The following IGF2R variants were observed in gnomAD, a reference collection of about 807,000 sequenced individuals.
IGF2R encodes insulin like growth factor 2 receptor, also known as cation-independent mannose-6-phosphate receptor.
Under a neutral mutation model 270.6 loss-of-function variants are expected in IGF2R, and 91 were observed. The ratio of observed to expected loss-of-function variants is 0.34; its 90% CI spans 0.28 to 0.40. The LOEUF (loss-of-function observed/expected upper bound fraction) is 0.40, where lower values mean the gene tolerates loss of function less well. IGF2R is among the 10% of genes least tolerant of loss of function. The pLI is 1.00. For synonymous variants in IGF2R, 1,316 were observed against 1,258.9 expected, an observed-to-expected ratio of 1.05 and a Z score of -0.96; for missense variants, 2,805 against 3,188.3, an observed-to-expected ratio of 0.88 and a Z score of 2.90.
intron 21 of IGF2R, among the ~76,000 whole-genome samples, chr6:160,058,452 T>C (rs1778360764): frequency 6.6e-6 from 1 of 152,226 alleles, no homozygotes; most frequent in South Asian, 2.1e-4. Context: ...GAGAGCATAA[T>C]TGACTTCATT....
chr6:160,085,193 G>T (rs1011347341), intron 41 of IGF2R, 62 bp downstream of exon 41: 19 of 1,557,614 alleles, frequency 1.2e-5, no homozygotes, highest in African/African-American at 2.7e-5. Flanking sequence ...GAAGGTGAGG[G>T]TGTTCTCAGG....
At chr6:159,997,354 C>T (rs1288416996) in intron 2 of IGF2R, among the ~76,000 whole-genome samples, 2 of 152,166 alleles carry the variant, frequency 1.3e-5, no homozygotes, top group African/African-American at 2.4e-5. Context: ...TCTGGTGATA[C>T]GGAGACATCA....
chr6:160,070,743 A>C (rs1778700870), intron 31 of IGF2R, among the ~76,000 whole-genome samples: 1 of 152,190 alleles, frequency 6.6e-6, no homozygotes, highest in Admixed American at 6.5e-5. Flanking sequence ...TAACTCGGGC[A>C]AGACCAGCTC....
intron 4 of IGF2R, among the ~76,000 whole-genome samples, chr6:160,016,858 C>T (rs543922808): frequency 6.6e-6 from 1 of 152,284 alleles, no homozygotes; most frequent in South Asian, 2.1e-4. Context: ...ATTCTCAGGG[C>T]GGGGGGAACC....
At chr6:160,012,973 C>T (rs1161054507) in intron 4 of IGF2R, among the ~76,000 whole-genome samples, 1 of 151,760 alleles carries the variant, frequency 6.6e-6, no homozygotes, top group Non-Finnish European at 1.5e-5. Context: ...ATCTGAGTTG[C>T]TTCCTGTGGG....
Position 160,045,752 on chromosome 6 carries a change from G to A in IGF2R, c.1773G>A (p.Leu591=). ...TCTTTTCCCCATTGACAGGTGATCT[G>A]GAAAGTGCACCAGTGTTGAGAACTT... ...NITLVCKPGD[L]ESAPVLRTSG... The change falls in exon 14 of 48, where the codon CTG becomes CTA. Residue 591 remains leucine (L), a synonymous_variant. Coordinates refer to ENST00000356956, the MANE Select transcript of IGF2R (RefSeq NM_000876.4). 1 of 1,614,148 alleles carries A rather than the reference G, an allele frequency of 6.2e-7. No homozygotes were observed. The highest frequency in any genetic ancestry group is 8.5e-7 in the Non-Finnish European group (1 of 1,180,006).
At chr6:159,986,422 GTGTGTGTGTTT>G (rs1309095954) in intron 1 of IGF2R, among the ~76,000 whole-genome samples, 1 of 110,992 alleles carries the variant, frequency 9.0e-6, no homozygotes, top group Non-Finnish European at 1.8e-5. Context: ...GTGTGTGTGT[GTGTGTGTGTTT>G]TTTTTTTTTT....
intron 37 of IGF2R, 129 bp downstream of exon 37, chr6:160,078,491 T>G: frequency 1.2e-6 from 1 of 840,128 alleles, no homozygotes; most frequent in African/African-American, 1.7e-5. Context: ...CTGGGCAGCA[T>G]CTTGGTGCTC....
intron 44 of IGF2R, 108 bp from the exon 45 acceptor site, chr6:160,096,331 C>T (rs1163376164): frequency 2.1e-6 from 2 of 969,464 alleles, no homozygotes; most frequent in Non-Finnish European, 3.1e-6. Flanking sequence ...GAAGTCTCTT[C>T]TGCCTGATTT....
intron 4 of IGF2R, among the ~76,000 whole-genome samples, chr6:160,012,351 C>G (rs903727211): frequency 1.3e-5 from 2 of 152,096 alleles, no homozygotes; most frequent in African/African-American, 4.8e-5. Flanking sequence ...TAAAGAAACA[C>G]CTGAGACTGG....
rs192455373 is a variant in IGF2R, at chr6:160,071,012, A to G, written c.4444-898A>G. Among the ~76,000 whole-genome samples the G allele has an allele frequency of 4.5e-3, 690 of 151,776 alleles. 3 individuals are homozygous for G. The highest frequency in any genetic ancestry group is 0.014 in the African/African-American group (597 of 41,370). Reference sequence around the variant, plus strand: ...CCCACATGTGGGGGGCAAAGGTGAGAGGGTGTGTGGGGCCCCTGTGCCCAG... The same window carrying G: ...CCCACATGTGGGGGGCAAAGGTGAGGGGGTGTGTGGGGCCCCTGTGCCCAG... On this transcript the variant is annotated intron_variant, in intron 31 of 47. Coordinates refer to ENST00000356956, the MANE Select transcript of IGF2R (RefSeq NM_000876.4).
chr6:160,068,930 A>G (rs1392363682), intron 30 of IGF2R, among the ~76,000 whole-genome samples: 1 of 152,176 alleles, frequency 6.6e-6, no homozygotes, highest in Non-Finnish European at 1.5e-5. Flanking sequence ...CCCAGGGTAA[A>G]TCAGTGCTGA....
At chr6:160,104,488 A>G (rs1265154802) in intron 47 of IGF2R, among the ~76,000 whole-genome samples, 186 bp from the exon 48 acceptor site, 1 of 151,958 alleles carries the variant, frequency 6.6e-6, no homozygotes, top group East Asian at 1.9e-4. Context: ...TCTCATTAGG[A>G]ACAGGAAGGT....
Position 160,060,630 on chromosome 6 carries a change from G to T in IGF2R, c.3175G>T (p.Asp1059Tyr). The T allele has an allele frequency of 6.2e-7, 1 of 1,614,226 alleles. No homozygotes were observed. Among genetic ancestry groups the T allele is most frequent in the Non-Finnish European group, 8.5e-7 (1 of 1,180,040 alleles). ...GPLKFLHQDI[D>Y]SGQGIRNTYF... The stretch of plus-strand genomic sequence containing the variant: ...CCTCAAATTCCTGCATCAAGATATC[G>T]ACTCTGGGCAAGGGATCCGAAACAC... The change falls in exon 23 of 48, where the codon GAC becomes TAC. Residue 1059 changes from aspartate to tyrosine, a missense_variant. Transcript: ENST00000356956.
intron 10 of IGF2R, among the ~76,000 whole-genome samples, chr6:160,036,543 G>A (rs754787501): frequency 2.6e-5 from 4 of 152,070 alleles, no homozygotes; most frequent in Non-Finnish European, 4.4e-5. Flanking sequence ...TTCTGTTCAG[G>A]GCTTTTTATT....
chr6:159,982,677 A>G (rs1783824272), intron 1 of IGF2R, among the ~76,000 whole-genome samples: 1 of 152,234 alleles, frequency 6.6e-6, no homozygotes, highest in Non-Finnish European at 1.5e-5. Context: ...TTTAATAGTT[A>G]CATGACCATT....
chr6:160,104,914 A>G lies in IGF2R; in HGVS notation c.7306A>G (p.Arg2436Gly). ...GAGAESSHPV[R>G]NAQSNALQER... Reference sequence around the variant, plus strand: ...TGGGGCAGAGAGCTCCCACCCAGTGAGAAACGCACAGAGCAATGCCCTTCA... The same window carrying G: ...TGGGGCAGAGAGCTCCCACCCAGTGGGAAACGCACAGAGCAATGCCCTTCA... Residue 2436 changes from arginine (R) to glycine (G), a missense_variant, in exon 48 of 48, where the codon AGA becomes GGA. Physicochemically the swap from Arg to Gly is moderately radical, Grantham distance 125 (BLOSUM62 -2). Transcript: ENST00000356956. 1 of 1,614,188 alleles carries G rather than the reference A, an allele frequency of 6.2e-7. No individual in the cohort carries two copies. Among genetic ancestry groups the G allele is most frequent in the Non-Finnish European group, 8.5e-7 (1 of 1,180,036 alleles).
chr6:160,093,384 G>A (rs969727434), intron 44 of IGF2R: 15 of 279,214 alleles, frequency 5.4e-5, no homozygotes, highest in East Asian at 3.2e-4. Context: ...TCTTGTTGCC[G>A]TTGCTTCTGT....
Position 160,048,531 on chromosome 6 carries a change from T to C in IGF2R, c.2502T>C (p.Tyr834=). 1 of 1,613,566 alleles carries C rather than the reference T, an allele frequency of 6.2e-7. No homozygotes were observed. The highest frequency in any genetic ancestry group is 8.5e-7 in the Non-Finnish European group (1 of 1,179,876). Residue 834 remains tyrosine (Y), a synonymous_variant, in exon 18 of 48, where the codon TAT becomes TAC. Transcript: ENST00000356956. Reference sequence around the variant, plus strand: ...ATGCATCGGCTTGCCAGATGAAGTATGAAAAAGATCAGGTGAATCTGTTTT... The same window carrying C: ...ATGCATCGGCTTGCCAGATGAAGTACGAAAAAGATCAGGTGAATCTGTTTT... ...NRYASACQMK[Y]EKDQGSFTEV...
Sources: gnomAD v4.1 joint callset for allele counts (sites outside exome capture counted in the v4.1 genomes callset) on GRCh38, gnomAD v4.1.1 for gene constraint, MANE v1.5 for transcripts, NCBI Gene and HGNC (gene_info 2026-07-23, HGNC 2026-07-21) for gene names.